Variants in POU2F2 observed in about 807,000 individuals in gnomAD.
POU2F2 encodes the protein POU domain, class 2, transcription factor 2.
A neutral mutation model predicts 63.5 loss-of-function variants in POU2F2; 14 were observed. That is an observed-to-expected ratio of 0.22 (90% CI 0.15 to 0.34). The LOEUF (loss-of-function observed/expected upper bound fraction) is 0.34, where lower values mean the gene tolerates loss of function less well. Ranked by LOEUF, POU2F2 falls within the 10% of genes least tolerant of loss-of-function variation. The pLI, the probability that POU2F2 is intolerant of heterozygous loss-of-function variation, is 1.00. For missense variants in POU2F2, 607 were observed against 815.2 expected, an observed-to-expected ratio of 0.74 and a Z score of 3.11; for synonymous variants, 306 against 348.6, an observed-to-expected ratio of 0.88 and a Z score of 1.36.
chr19:42,170,428 CAAA>C (rs529460184), intron 1 of POU2F2, among the ~76,000 whole-genome samples: 6 of 118,686 alleles, frequency 5.1e-5, no homozygotes, highest in Non-Finnish European at 1.8e-5. Flanking sequence ...AACCCAACGC[CAAA>C]AAAAAAAAAA....
intron 11 of POU2F2, among the ~76,000 whole-genome samples, chr19:42,094,656 C>G (rs1347601718): frequency 6.6e-6 from 1 of 152,214 alleles, no homozygotes; most frequent in Non-Finnish European, 1.5e-5. Flanking sequence ...TCAAATTGGG[C>G]TGGGCACACC....
intron 5 of POU2F2, among the ~76,000 whole-genome samples, chr19:42,108,404 A>C (rs1318291502): frequency 6.6e-6 from 1 of 152,120 alleles, no homozygotes; most frequent in African/African-American, 2.4e-5. Context: ...CAGCCTGGGC[A>C]ACATGACGGG....
Position 42,092,275 on chromosome 19 carries a change from CAGAG to C in POU2F2, c.1265-9_1265-6del. On this transcript the variant is annotated splice_polypyrimidine_tract_variant and splice_region_variant and intron_variant, in intron 12 of 14. Coordinates refer to ENST00000692977, the MANE Select transcript of POU2F2 (RefSeq NM_001394376.1). The surrounding 1 kb of genome is among the most constrained non-coding windows in gnomAD (Gnocchi z 5.0). ...CAGCTGAGGATAAGGTAGTAACTGC[CAGAG>C]AGAGACAGAAAGATGGGGTCTTCAG... is the stretch of plus-strand genomic sequence containing the variant. 1 of 1,542,264 alleles carries C rather than the reference CAGAG, an allele frequency of 6.5e-7. No homozygotes were observed. The highest frequency in any genetic ancestry group is 1.2e-5 in the South Asian group (1 of 83,970).
intron 1 of POU2F2, among the ~76,000 whole-genome samples, chr19:42,192,327 C>G (rs2035083143): frequency 6.6e-6 from 1 of 152,092 alleles, no homozygotes; most frequent in South Asian, 2.1e-4. Flanking sequence ...GGTGGTGGAA[C>G]CTGAGGACAT....
At chr19:42,158,916 TC>T in intron 2 of POU2F2, among the ~76,000 whole-genome samples, 2 of 151,756 alleles carry the variant, frequency 1.3e-5, no homozygotes, top group Non-Finnish European at 2.9e-5. Context: ...AACTGCAACT[TC>T]GGTTCCCTGG....
At position 42,091,229 on chromosome 19, in the gene POU2F2, G is replaced by A; in HGVS notation, c.*28C>T. 1.3e-6 allele frequency: 2 copies of A among 1,511,916 alleles called. No individual in the cohort carries two copies. The highest frequency in any genetic ancestry group is 2.5e-5 in the East Asian group (1 of 40,706). The allele number at this position is 1,511,916 out of a possible 1,614,324, so 93.7% of individuals were successfully genotyped here. A position where few individuals can be genotyped will look rare whatever the true frequency, so the allele number is the denominator to read the frequency against. ...GCAAGGGACCAAGGCAGGGACCAGA[G>A]GAATGGGAGGGGAGGCATGGCTGGC... On this transcript the variant is annotated 3_prime_UTR_variant, in exon 15 of 15. Coordinates refer to ENST00000692977, the MANE Select transcript of POU2F2 (RefSeq NM_001394376.1).
upstream of POU2F2, among the ~76,000 whole-genome samples, chr19:42,134,899 A>G (rs976093619): frequency 4.6e-5 from 7 of 151,932 alleles, no homozygotes; most frequent in Non-Finnish European, 1.0e-4. Flanking sequence ...GATCAAATAC[A>G]TTATTAGAGC....
At chr19:42,157,369 G>C (rs1486781446) in intron 2 of POU2F2, 2 of 152,172 alleles carry the variant, frequency 1.3e-5, no homozygotes, top group African/African-American at 4.8e-5. Flanking sequence ...GTTCAGATTG[G>C]TGGTGTCTGT....
At chr19:42,118,368 G>A (rs1053452128) in intron 4 of POU2F2, among the ~76,000 whole-genome samples, 1 of 152,178 alleles carries the variant, frequency 6.6e-6, no homozygotes, top group African/African-American at 2.4e-5. Context: ...CAGGAGTAGG[G>A]GTGGATGGAG....
intron 5 of POU2F2, among the ~76,000 whole-genome samples, chr19:42,100,085 C>CTTTCT (rs2077075167): frequency 1.3e-5 from 1 of 77,070 alleles, no homozygotes; most frequent in East Asian, 4.0e-4. Context: ...CCCTTTCTTT[C>CTTTCT]TTTTTTTTTT....
Position 42,172,265 on chromosome 19 carries a change from C to T in POU2F2, c.-70+3698G>A, listed in dbSNP as rs115226718. ...ACTCCCTTTGTGCTCACAGTCCAGG[C>T]GCCCAGAATCCTGTCTAAGGCTGGG... On this transcript the variant is annotated intron_variant, in intron 1 of 6. Coordinates refer to the POU2F2 transcript ENST00000524801. Among the ~76,000 whole-genome samples the T allele has an allele frequency of 4.5e-3, 686 of 152,276 alleles. 7 individuals are homozygous for T. Among genetic ancestry groups the T allele is most frequent in the African/African-American group, 0.015 (641 of 41,542 alleles).
chr19:42,151,639 C>T (rs1027710831), intron 2 of POU2F2, among the ~76,000 whole-genome samples: 1 of 152,212 alleles, frequency 6.6e-6, no homozygotes, highest in Non-Finnish European at 1.5e-5. Flanking sequence ...AACTGAGGCC[C>T]AGAGAGGGGA....
chr19:42,122,473 C>T (rs368619893), intron 2 of POU2F2, 38 bp downstream of exon 2: 2 of 1,607,656 alleles, frequency 1.2e-6, no homozygotes, highest in African/African-American at 2.7e-5. Context: ...TTCCCCTGCC[C>T]ACGGTGACCC....
intron 2 of POU2F2, among the ~76,000 whole-genome samples, chr19:42,145,329 T>C (rs1341107521): frequency 6.6e-6 from 1 of 152,212 alleles, no homozygotes; most frequent in Non-Finnish European, 1.5e-5. Flanking sequence ...TGCTGAGTCC[T>C]AGCTGTGCAA....
At chr19:42,182,926 C>T (rs897847480) in intron 1 of POU2F2, among the ~76,000 whole-genome samples, 4 of 152,038 alleles carry the variant, frequency 2.6e-5, no homozygotes, top group African/African-American at 7.2e-5. Context: ...AGACCACAAG[C>T]GGGGAATCGA....
intron 2 of POU2F2, among the ~76,000 whole-genome samples, chr19:42,150,523 T>C (rs2034321665): frequency 6.9e-6 from 1 of 143,972 alleles, no homozygotes; most frequent in Non-Finnish European, 1.5e-5. Flanking sequence ...AATGCTTTAT[T>C]GCCAAGAAAC....
At chr19:42,112,274 A>G (rs1568372726) in intron 5 of POU2F2, among the ~76,000 whole-genome samples, 1 of 152,102 alleles carries the variant, frequency 6.6e-6, no homozygotes. Context: ...CAGGGGTTAC[A>G]CTTTCCCATC....
At chr19:42,158,276 A>G (rs1351177088) in intron 2 of POU2F2, among the ~76,000 whole-genome samples, 1 of 152,222 alleles carries the variant, frequency 6.6e-6, no homozygotes, top group African/African-American at 2.4e-5. Context: ...CCCCAGTATT[A>G]TCATTGCTAA....
intron 2 of POU2F2, among the ~76,000 whole-genome samples, chr19:42,148,406 C>T (rs546522732): frequency 3.3e-5 from 5 of 152,284 alleles, no homozygotes; most frequent in Admixed American, 6.5e-5. Flanking sequence ...GGTCTGTACA[C>T]GCCTTTGAAA....
Sources: allele counts gnomAD v4.1 joint callset (sites outside exome capture counted in the v4.1 genomes callset), GRCh38; gene constraint gnomAD v4.1.1; non-coding constraint Gnocchi (gnomAD v3.1); transcripts MANE v1.5; gene names NCBI Gene and HGNC (gene_info 2026-07-23, HGNC 2026-07-21).